The following SCG5 variants were observed in gnomAD, a reference collection of about 807,000 sequenced individuals.
The protein encoded by SCG5 is neuroendocrine protein 7B2.
Under a neutral mutation model 25.7 loss-of-function variants are expected in SCG5, and 18 were observed. The ratio of observed to expected loss-of-function variants is 0.70; its 90% CI spans 0.48 to 1.04. The LOEUF (loss-of-function observed/expected upper bound fraction) is 1.04, where lower values mean the gene tolerates loss of function less well. SCG5 is among the 50% of genes least tolerant of loss of function. The pLI, the probability that SCG5 is intolerant of heterozygous loss-of-function variation, is 0.00. For synonymous variants in SCG5, 101 were observed against 91.7 expected (o/e 1.10, Z -0.58); for missense variants, 206 against 259.8 (o/e 0.79, Z 1.42).
Position 32,696,808 on chromosome 15 carries a change from G to C in SCG5, c.*199G>C. 2 of 419,928 alleles carry C rather than the reference G, an allele frequency of 4.8e-6. No homozygotes were observed. Among genetic ancestry groups the C allele is most frequent in the Non-Finnish European group, 8.5e-6 (2 of 235,008 alleles). 26.0% of individuals were successfully genotyped at this position (419,928 alleles called of 1,614,324 possible). On this transcript the variant is annotated 3_prime_UTR_variant, in exon 6 of 6. Transcript: ENST00000300175. ...GCTAAATTAGAATAAGAGCTTTTTT[G>C]TTTCTTGGGTTTTTAAAATGTGAAT...
At chr15:32,657,390 C>T (rs903998282) in intron 2 of SCG5, among the ~76,000 whole-genome samples, 7 of 150,364 alleles carry the variant, frequency 4.7e-5, no homozygotes, top group African/African-American at 1.7e-4. Context: ...TGACCTTAGG[C>T]GTGAGAAACA....
intron 2 of SCG5, among the ~76,000 whole-genome samples, chr15:32,674,296 T>A (rs898173448): frequency 1.3e-5 from 2 of 152,216 alleles, no homozygotes; most frequent in African/African-American, 2.4e-5. Flanking sequence ...GATGGTACTA[T>A]AATCGGAAAC....
At chr15:32,664,632 G>A (rs1490470686) in intron 2 of SCG5, among the ~76,000 whole-genome samples, 5 of 152,180 alleles carry the variant, frequency 3.3e-5, no homozygotes, top group African/African-American at 2.4e-5. Flanking sequence ...AGCAGTCTGC[G>A]CCCATGAGGG....
intron 4 of SCG5, among the ~76,000 whole-genome samples, chr15:32,684,999 A>G (rs2054681184): frequency 6.6e-6 from 1 of 152,174 alleles, no homozygotes; most frequent in African/African-American, 2.4e-5. Flanking sequence ...GGTTTTATCA[A>G]AGGATATGAT....
At chr15:32,677,518 G>C (rs1403299305) in intron 2 of SCG5, 3 of 152,228 alleles carry the variant, frequency 2.0e-5, no homozygotes, top group African/African-American at 7.2e-5. Context: ...TTCATCCAGG[G>C]ACAAGGGAGC....
At chr15:32,682,143 C>G (rs958580063) in intron 3 of SCG5, among the ~76,000 whole-genome samples, 6 of 152,144 alleles carry the variant, frequency 3.9e-5, no homozygotes, top group African/African-American at 1.4e-4. Context: ...ATTCCAGGAC[C>G]ACCAGCAGCA....
chr15:32,678,928 G>A (rs942911802), intron 2 of SCG5, among the ~76,000 whole-genome samples: 18 of 152,278 alleles, frequency 1.2e-4, no homozygotes, highest in Middle Eastern at 3.4e-3. Flanking sequence ...AAAAAGATAC[G>A]TAGCAACAAT....
chr15:32,657,209 A>ATATATATATATATATGTATATG lies in SCG5; in HGVS notation c.226+13394_226+13395insATATATATATATGTATATGTAT. Among the ~76,000 whole-genome samples, 9 of 38,754 alleles carry ATATATATATATATATGTATATG rather than the reference A, an allele frequency of 2.3e-4. 3 individuals carry two copies. The Admixed American group carries it at 3.0e-3, about 13-fold the overall frequency. The allele number at this position is 38,754 out of a possible 152,430, so 25.4% of individuals were successfully genotyped here. On this transcript the variant is annotated intron_variant, in intron 2 of 5. Coordinates refer to ENST00000300175, the MANE Select transcript of SCG5 (RefSeq NM_001144757.3). ...TTCTTTCATCCTCCTGTATATATATATATGTATGTATTTCCAGGTGTAAGT... is the reference window on the plus strand; with the variant it reads ...TTCTTTCATCCTCCTGTATATATATATATATATATATATATGTATATGTATGTATGTATTTCCAGGTGTAAGT...
At chr15:32,660,749 A>T (rs1182495525) in intron 2 of SCG5, among the ~76,000 whole-genome samples, 1 of 152,170 alleles carries the variant, frequency 6.6e-6, no homozygotes, top group Non-Finnish European at 1.5e-5. Flanking sequence ...TCAGCTTTTC[A>T]CCTCGATTAC....
intron 2 of SCG5, among the ~76,000 whole-genome samples, chr15:32,646,381 G>A (rs1283633737): frequency 1.3e-5 from 2 of 152,178 alleles, no homozygotes; most frequent in Non-Finnish European, 2.9e-5. Context: ...GAATTATATT[G>A]TAGGACTGAG....
intron 3 of SCG5, among the ~76,000 whole-genome samples, chr15:32,684,053 G>A (rs1413344154): frequency 6.6e-6 from 1 of 152,214 alleles, no homozygotes; most frequent in Admixed American, 6.5e-5. Flanking sequence ...GCGGTGGATG[G>A]TTCGGCACCC....
intron 2 of SCG5, among the ~76,000 whole-genome samples, chr15:32,650,175 C>A (rs1401731995): frequency 6.6e-6 from 1 of 152,204 alleles, no homozygotes; most frequent in East Asian, 1.9e-4. Context: ...CAGCTCACTG[C>A]AAGCTCTGCC....
rs539964423 is a variant in SCG5, at chr15:32,683,052, G to A, written c.377-1505G>A. On this transcript the variant is annotated intron_variant, in intron 3 of 5. Transcript: ENST00000300175. ...AGATTGCCTGAACTCTCTTGAATTG[G>A]TATATTTTCCTACATGTTAATTGCT... Among the ~76,000 whole-genome samples, 25 of 152,330 alleles carry A rather than the reference G, an allele frequency of 1.6e-4. No individual in the cohort carries two copies. The South Asian group carries it at 5.2e-3, about 32-fold the overall frequency.
intron 2 of SCG5, among the ~76,000 whole-genome samples, chr15:32,668,439 C>T (rs780221593): frequency 2.6e-5 from 4 of 152,222 alleles, no homozygotes; most frequent in Non-Finnish European, 5.9e-5. Context: ...AGTCTACAGA[C>T]ATATGGGTGG....
intron 2 of SCG5, among the ~76,000 whole-genome samples, chr15:32,650,644 G>A (rs925621085): frequency 2.6e-5 from 4 of 152,212 alleles, no homozygotes; most frequent in African/African-American, 9.7e-5. Flanking sequence ...AGAACTGGTT[G>A]TGCCAGCTGA....
At chr15:32,689,074 G>A (rs2054792131) in intron 4 of SCG5, among the ~76,000 whole-genome samples, 1 of 152,020 alleles carries the variant, frequency 6.6e-6, no homozygotes. Flanking sequence ...CATTGATGAT[G>A]CTTACCAGAT....
chr15:32,686,947 T>C (rs951086119), intron 4 of SCG5, among the ~76,000 whole-genome samples: 1 of 152,154 alleles, frequency 6.6e-6, no homozygotes, highest in African/African-American at 2.4e-5. Flanking sequence ...GATCCAGAAC[T>C]GAGGACTGGT....
At chr15:32,690,164 C>A (rs2054821800) in intron 4 of SCG5, among the ~76,000 whole-genome samples, 1 of 152,188 alleles carries the variant, frequency 6.6e-6, no homozygotes. Flanking sequence ...CCCCCAAGAT[C>A]TCCTAAAGAA....
In SCG5 at chr15:32,691,782, G is replaced by A. The variant is rs749301151; in HGVS notation, c.543+19G>A. The A allele has an allele frequency of 1.9e-6, 3 of 1,611,350 alleles. No individual in the cohort carries two copies. The highest frequency in any genetic ancestry group is 2.5e-6 in the Non-Finnish European group (3 of 1,178,760). On this transcript the variant is annotated intron_variant, in intron 5 of 5. Transcript: ENST00000300175. ...GCGGAGGGTAACACGTGCCTGGCTGGATTGTTGCGGGGATGCTTGGAGCTT... is the reference window on the plus strand; with the variant it reads ...GCGGAGGGTAACACGTGCCTGGCTGAATTGTTGCGGGGATGCTTGGAGCTT...
Sources: allele counts gnomAD v4.1 joint callset (sites outside exome capture counted in the v4.1 genomes callset), GRCh38; gene constraint gnomAD v4.1.1; transcripts MANE v1.5; gene names NCBI Gene and HGNC (gene_info 2026-07-23, HGNC 2026-07-21).